EHD4: variants seen among roughly 807,000 people sequenced by gnomAD.
EHD4 encodes the protein EH domain containing 4.
EHD4 carries 37 observed loss-of-function variants against 51.0 expected under a neutral mutation model. The ratio of observed to expected loss-of-function variants is 0.73; its 90% confidence interval spans 0.56 to 0.95. EHD4 has a LOEUF of 0.95. Among genes scored for constraint, EHD4 ranks in the 40% least tolerant of loss-of-function variants. The pLI is 0.00. For synonymous variants in EHD4, 297 were observed against 317.3 expected (o/e 0.94, Z 0.68); for missense variants, 632 against 733.1 (o/e 0.86, Z 1.59).
intron 3 of EHD4, among the ~76,000 whole-genome samples, chr15:41,935,950 T>C (rs1191900228): frequency 6.6e-6 from 1 of 152,198 alleles, no homozygotes; most frequent in Non-Finnish European, 1.5e-5. Context: ...GGAGGCTGCC[T>C]GGGCCTCTTG....
At chr15:41,915,113 T>C (rs188537974) in intron 4 of EHD4, among the ~76,000 whole-genome samples, 160 of 150,064 alleles carry the variant, frequency 1.1e-3, no homozygotes, top group African/African-American at 3.7e-3. Context: ...CACACACACA[T>C]CATTGGACAC....
chr15:41,905,763 G>A (rs954446835), intron 5 of EHD4, among the ~76,000 whole-genome samples: 5 of 152,078 alleles, frequency 3.3e-5, no homozygotes, highest in Non-Finnish European at 5.9e-5. Context: ...CTCGACCTCC[G>A]GGCTTAAGCC....
rs538197690 is a variant in EHD4, at chr15:41,972,545, C to T, written c.-51G>A. 45 of 1,427,888 alleles carry T rather than the reference C, an allele frequency of 3.2e-5. No homozygotes were observed. The highest frequency in any genetic ancestry group is 2.6e-4 in the Admixed American group (9 of 35,266). The allele number at this position is 1,427,888 out of a possible 1,614,324, so 88.5% of individuals were successfully genotyped here. On this transcript the variant is annotated 5_prime_UTR_variant, in exon 1 of 6. Coordinates refer to ENST00000220325, the MANE Select transcript of EHD4 (RefSeq NM_139265.4). ...GGACCCTGCTCCGGGTTCGACTCTC[C>T]CCGGCTCGCACTGAGCCGCCCCGGC...
At chr15:41,939,792 C>CA (rs537857115) in intron 3 of EHD4, among the ~76,000 whole-genome samples, 14,111 of 80,046 alleles carry the variant, frequency 0.18, 1,424 homozygotes, top group Middle Eastern at 0.27. Context: ...GACTCCGTCT[C>CA]AAAAAAAAAA....
chr15:41,924,709 C>G (rs1180140612), intron 3 of EHD4, among the ~76,000 whole-genome samples: 1 of 152,122 alleles, frequency 6.6e-6, no homozygotes, highest in Non-Finnish European at 1.5e-5. Flanking sequence ...GTTTCTATAT[C>G]TTGATGATGG....
Position 41,920,873 on chromosome 15 carries a change from G to A in EHD4, c.512-1251C>T, listed in dbSNP as rs146528371. Among the ~76,000 whole-genome samples the A allele has an allele frequency of 3.5e-3, 533 of 152,266 alleles. 15 individuals carry two copies. Among genetic ancestry groups the A allele is most frequent in the Admixed American group, 0.027 (412 of 15,290 alleles). ...AAATACAAAATACTCAACCATCTGT[G>A]GATACAGACTATAGCACAAATACAA... On this transcript the variant is annotated intron_variant, in intron 3 of 5. Transcript: ENST00000220325.
chr15:41,901,304 A>C, intron 5 of EHD4, 123 bp from the exon 6 acceptor site: 1 of 989,644 alleles, frequency 1.0e-6, no homozygotes, highest in Admixed American at 3.1e-5. Flanking sequence ...TCAGGAGTGC[A>C]CTCTTTGGGA....
At chr15:41,901,271 C>T (rs1253105459) in intron 5 of EHD4, 90 bp from the exon 6 acceptor site, 7 of 1,387,934 alleles carry the variant, frequency 5.0e-6, no homozygotes, top group Non-Finnish European at 6.7e-6. Flanking sequence ...AATTCTGCCC[C>T]AGGCAGACGT....
intron 3 of EHD4, among the ~76,000 whole-genome samples, 171 bp from the exon 4 acceptor site, chr15:41,919,793 G>A (rs1016703088): frequency 8.5e-5 from 13 of 152,188 alleles, no homozygotes; most frequent in African/African-American, 2.9e-4. Context: ...ATGAATCCGG[G>A]TGGGAAGGAC....
chr15:41,956,628 T>C (rs72726027), intron 1 of EHD4, among the ~76,000 whole-genome samples: 17,407 of 152,274 alleles, frequency 0.11, 1,086 homozygotes, highest in South Asian at 0.26. Context: ...GCGACCCTAC[T>C]GGACAGACCT....
At chr15:41,916,547 TA>T (rs1440995388) in intron 4 of EHD4, among the ~76,000 whole-genome samples, 1 of 152,182 alleles carries the variant, frequency 6.6e-6, no homozygotes, top group Non-Finnish European at 1.5e-5. Context: ...GAAAGGTTAA[TA>T]AACCAAAATA....
chr15:41,955,350 A>G lies in EHD4; in HGVS notation c.237-1410T>C, dbSNP rs118006280. ...TGGAATGCAAGCATTCAGACTCCAG[A>G]ACTTGCACTGTCTTCAGAAATGGCC... On this transcript the variant is annotated intron_variant, in intron 1 of 5. Coordinates refer to ENST00000220325, the MANE Select transcript of EHD4 (RefSeq NM_139265.4). Among the ~76,000 whole-genome samples, 114 of 152,226 alleles carry G rather than the reference A, an allele frequency of 7.5e-4. 2 individuals carry two copies. The East Asian group carries it at 0.02, about 27-fold the overall frequency.
At position 41,945,488 on chromosome 15, in the gene EHD4, A is replaced by G. The variant is rs1306732255; in HGVS notation, c.414-2324T>C. On this transcript the variant is annotated intron_variant, in intron 2 of 5. Transcript: ENST00000220325. Reference sequence around the variant, plus strand: ...GGAGCCCAGGATGGCTGAAAAAGAGAGGATGAGGAGCAGCAGGTGGAGGCG... The same window carrying G: ...GGAGCCCAGGATGGCTGAAAAAGAGGGGATGAGGAGCAGCAGGTGGAGGCG... Among the ~76,000 whole-genome samples, 2 of 152,028 alleles carry G rather than the reference A, an allele frequency of 1.3e-5. 1 individual carries two copies. The highest frequency in any genetic ancestry group is 4.8e-5 in the African/African-American group (2 of 41,388).
chr15:41,916,373 G>A (rs563907195), intron 4 of EHD4, among the ~76,000 whole-genome samples: 4 of 152,242 alleles, frequency 2.6e-5, no homozygotes, highest in South Asian at 2.1e-4. Context: ...GTGAAGCCTC[G>A]GGGACATAAC....
chr15:41,950,949 AATCACCGTC>A (rs1234744198), intron 2 of EHD4, among the ~76,000 whole-genome samples: 1 of 152,242 alleles, frequency 6.6e-6, no homozygotes, highest in African/African-American at 2.4e-5. Context: ...CTTGGGACAT[AATCACCGTC>A]ATCTTCATCA....
In EHD4 at chr15:41,919,384, G is replaced by A. The variant is rs768609604; in HGVS notation, c.750C>T (p.Pro250=). The change falls in exon 4 of 6, where the codon CCC becomes CCT. Residue 250 remains proline (P), a synonymous_variant. Coordinates refer to ENST00000220325, the MANE Select transcript of EHD4 (RefSeq NM_139265.4). ...AGCCAATGTAGACGCGCAGTACCTC[G>A]GGCGTGTTGATGACCTTGCCTAGGG... ...MWSLGKVINT[P]EVLRVYIGSF... The A allele has an allele frequency of 1.8e-5, 29 of 1,611,812 alleles. No individual in the cohort carries two copies. The highest frequency in any genetic ancestry group is 1.0e-4 in the Admixed American group (6 of 59,810).
chr15:41,911,928 C>T (rs572926984), intron 4 of EHD4, among the ~76,000 whole-genome samples: 1 of 152,292 alleles, frequency 6.6e-6, no homozygotes, highest in East Asian at 1.9e-4. Flanking sequence ...TCCTCACCCA[C>T]TCCCTGCCGC....
intron 3 of EHD4, among the ~76,000 whole-genome samples, chr15:41,939,792 C>CAAAAA (rs537857115): frequency 5.0e-5 from 4 of 80,240 alleles, no homozygotes; most frequent in Admixed American, 1.4e-4. Flanking sequence ...GACTCCGTCT[C>CAAAAA]AAAAAAAAAA....
rs549245359 is a variant in EHD4 at position 41,926,520 on chromosome 15, G to A, written c.512-6898C>T. On this transcript the variant is annotated intron_variant, in intron 3 of 5. Coordinates refer to ENST00000220325, the MANE Select transcript of EHD4 (RefSeq NM_139265.4). ...TCACCTTTGTGTCCCTCCAGCACCC[G>A]TGCAGTGAGCATCCAGCACGAGGCA... 2.6e-5 allele frequency among the ~76,000 whole-genome samples: 4 copies of A among 152,268 alleles called. No individual in the cohort carries two copies. In the East Asian group the frequency reaches 7.7e-4, roughly 29 times the overall value.
Sources: allele counts gnomAD v4.1 joint callset (sites outside exome capture counted in the v4.1 genomes callset), GRCh38; gene constraint gnomAD v4.1.1; transcripts MANE v1.5; gene names NCBI Gene and HGNC (gene_info 2026-07-23, HGNC 2026-07-21).